LRRC28: variants seen among roughly 807,000 people sequenced by gnomAD.
LRRC28 encodes leucine-rich repeat-containing protein 28.
Under a neutral mutation model 45.7 loss-of-function variants are expected in LRRC28, and 39 were observed. The observed-to-expected ratio is 0.85, with a 90% CI of 0.66 to 1.12. The LOEUF (loss-of-function observed/expected upper bound fraction) is 1.12. LRRC28 is among the 50% of genes most tolerant of loss of function. The pLI, the probability that LRRC28 is intolerant of heterozygous loss-of-function variation, is 0.00. For synonymous variants in LRRC28, 206 were observed against 178.8 expected (o/e 1.15, Z -1.22); for missense variants, 435 against 438.5 (o/e 0.99, Z 0.07).
At chr15:99,285,957 A>T (rs35892074) in intron 3 of LRRC28, among the ~76,000 whole-genome samples, 20,912 of 152,234 alleles carry the variant, frequency 0.14, 1,549 homozygotes, top group Admixed American at 0.21. Context: ...CCAGCAGGTT[A>T]GTTAACCTTC....
At chr15:99,362,942 C>T (rs1423793055) in intron 8 of LRRC28, among the ~76,000 whole-genome samples, 164 bp from the exon 9 acceptor site, 1 of 152,058 alleles carries the variant, frequency 6.6e-6, no homozygotes, top group South Asian at 2.1e-4. Context: ...ATTTCATTTT[C>T]AAATGTTAGA....
At chr15:99,365,351 C>G (rs1237180137) in intron 9 of LRRC28, among the ~76,000 whole-genome samples, 1 of 152,210 alleles carries the variant, frequency 6.6e-6, no homozygotes, top group African/African-American at 2.4e-5. Flanking sequence ...GCCAGAGTGC[C>G]TCTGTTTATA....
At chr15:99,368,785 TTCTCTTTCA>T (rs933458767) in intron 9 of LRRC28, among the ~76,000 whole-genome samples, 1 of 152,340 alleles carries the variant, frequency 6.6e-6, no homozygotes, top group Admixed American at 6.5e-5. Flanking sequence ...ACTGTTGGTG[TTCTCTTTCA>T]TGTTTTACAA....
rs373393286 is a variant in LRRC28 at position 99,387,147 on chromosome 15, G to C, written c.*1045G>C. The C allele has an allele frequency of 6.7e-6, 1 of 149,808 alleles. No individual in the cohort carries two copies. Among genetic ancestry groups the C allele is most frequent in the Non-Finnish European group, 1.5e-5 (1 of 67,338 alleles). The allele number at this position is 149,808 out of a possible 1,614,324, so 9.3% of individuals were successfully genotyped here. On this transcript the variant is annotated 3_prime_UTR_variant, in exon 10 of 10. Transcript: ENST00000301981. ...GGGATCTCGGCTCACTGCAAGCTCCGCCTCCCGGGTTCACGCCATTCTCCT... is the reference window on the plus strand; with the variant it reads ...GGGATCTCGGCTCACTGCAAGCTCCCCCTCCCGGGTTCACGCCATTCTCCT...
At chr15:99,288,371 C>CTTTTTTTTT (rs67593137) in intron 5 of LRRC28, among the ~76,000 whole-genome samples, 3 of 82,892 alleles carry the variant, frequency 3.6e-5, no homozygotes, top group Non-Finnish European at 6.7e-5. Context: ...TGTACATTAA[C>CTTTTTTTTT]TTTTTTTTTT....
chr15:99,363,300 C>T (rs1348923563), intron 9 of LRRC28, 35 bp downstream of exon 9: 1 of 1,608,304 alleles, frequency 6.2e-7, no homozygotes, highest in Non-Finnish European at 8.5e-7. Context: ...GGGTTTACAC[C>T]CAGGCAAGGG....
At chr15:99,327,040 G>A (rs1956004173) in intron 5 of LRRC28, among the ~76,000 whole-genome samples, 1 of 151,960 alleles carries the variant, frequency 6.6e-6, no homozygotes, top group Non-Finnish European at 1.5e-5. Flanking sequence ...CTTATGGGAG[G>A]ATTTAAAGAT....
In LRRC28 at chr15:99,339,715, A is replaced by G. The variant is rs761516390; in HGVS notation, c.592+5586A>G. On this transcript the variant is annotated intron_variant, in intron 6 of 9. Transcript: ENST00000301981. ...ACTCCAGCCTGAGCAACAGAGTGAG[A>G]AAAAAAAAAAAAAGCGATTGAATTT... is the stretch of plus-strand genomic sequence containing the variant. Among the ~76,000 whole-genome samples the G allele has an allele frequency of 2.3e-3, 237 of 102,276 alleles. 1 individual carries two copies. The highest frequency in any genetic ancestry group is 3.7e-3 in the Non-Finnish European group (200 of 53,518). The allele number at this position is 102,276 out of a possible 152,430, so 67.1% of individuals were successfully genotyped here.
intron 9 of LRRC28, among the ~76,000 whole-genome samples, chr15:99,378,412 T>G (rs1163559875): frequency 6.6e-6 from 1 of 152,228 alleles, no homozygotes; most frequent in Non-Finnish European, 1.5e-5. Flanking sequence ...TTTGCTGAAG[T>G]TGCTTATCAG....
intron 5 of LRRC28, among the ~76,000 whole-genome samples, chr15:99,307,577 T>C (rs1156797257): frequency 6.6e-6 from 1 of 152,216 alleles, no homozygotes; most frequent in Non-Finnish European, 1.5e-5. Context: ...TTGTTACATA[T>C]AGAAAAGTTC....
At chr15:99,264,548 G>C (rs2081284537) in intron 2 of LRRC28, among the ~76,000 whole-genome samples, 1 of 152,178 alleles carries the variant, frequency 6.6e-6, no homozygotes, top group East Asian at 1.9e-4. Flanking sequence ...ACTTCAGCGG[G>C]AGCAGCTCTT....
At chr15:99,312,806 A>G (rs930831124) in intron 5 of LRRC28, among the ~76,000 whole-genome samples, 7 of 152,184 alleles carry the variant, frequency 4.6e-5, no homozygotes, top group Admixed American at 6.6e-5. Flanking sequence ...TCTGCGGTCT[A>G]TTGTTGACCA....
intron 2 of LRRC28, among the ~76,000 whole-genome samples, chr15:99,268,263 G>C (rs1210490104): frequency 6.6e-6 from 1 of 152,122 alleles, no homozygotes. Flanking sequence ...TAAAAGTCTA[G>C]CTTAATAGAA....
intron 9 of LRRC28, among the ~76,000 whole-genome samples, chr15:99,378,363 T>C (rs1957709191): frequency 6.6e-6 from 1 of 152,204 alleles, no homozygotes; most frequent in African/African-American, 2.4e-5. Context: ...TGTATAAGAA[T>C]GCTTGTGATT....
chr15:99,381,046 T>G (rs1028040159), intron 9 of LRRC28, among the ~76,000 whole-genome samples: 3 of 152,230 alleles, frequency 2.0e-5, no homozygotes, highest in Non-Finnish European at 4.4e-5. Flanking sequence ...CTTTGTGGTG[T>G]TCTCTGTATT....
At chr15:99,272,580 A>G (rs1311597700) in intron 2 of LRRC28, among the ~76,000 whole-genome samples, 1 of 152,250 alleles carries the variant, frequency 6.6e-6, no homozygotes, top group Non-Finnish European at 1.5e-5. Context: ...ATTTAAGTGG[A>G]GTCTAAAAGA....
intron 2 of LRRC28, among the ~76,000 whole-genome samples, chr15:99,270,934 T>C (rs149805014): frequency 0.013 from 1,970 of 152,184 alleles, 62 homozygotes; most frequent in Admixed American, 0.068. Context: ...GTTACTTTTC[T>C]TTTTTTGTTA....
At chr15:99,382,019 C>G (rs1364751604) in intron 9 of LRRC28, among the ~76,000 whole-genome samples, 1 of 152,236 alleles carries the variant, frequency 6.6e-6, no homozygotes, top group Non-Finnish European at 1.5e-5. Context: ...TCTCAGATCT[C>G]AAACTCCGTG....
chr15:99,252,391 A>G (rs8041879), intron 1 of LRRC28, among the ~76,000 whole-genome samples: 1,757 of 152,340 alleles, frequency 0.012, 45 homozygotes, highest in African/African-American at 0.04. Flanking sequence ...AGCAATTTTA[A>G]CAGAGTGTAA....
Sources: allele counts gnomAD v4.1 joint callset (sites outside exome capture counted in the v4.1 genomes callset), GRCh38; gene constraint gnomAD v4.1.1; transcripts MANE v1.5; gene names NCBI Gene and HGNC (gene_info 2026-07-23, HGNC 2026-07-21).